Variants in KCNIP4 observed in about 807,000 individuals in gnomAD.
KCNIP4 encodes the protein potassium voltage-gated channel interacting protein 4, also known as Kv channel-interacting protein 4.
In KCNIP4, 12 loss-of-function variants were observed where a neutral mutation model predicts 34.0. The ratio of observed to expected loss-of-function variants is 0.35; its 90% CI spans 0.23 to 0.57. KCNIP4 has a LOEUF of 0.57. Among genes scored for constraint, KCNIP4 ranks in the 20% least tolerant of loss-of-function variants. The pLI, the probability that KCNIP4 is intolerant of heterozygous loss-of-function variation, is 0.83. For synonymous variants in KCNIP4, 124 were observed against 102.2 expected (o/e 1.21, Z -1.29); for missense variants, 238 against 311.7 (o/e 0.76, Z 1.78).
intron 1 of KCNIP4, among the ~76,000 whole-genome samples, chr4:21,596,552 C>G (rs10938846): frequency 6.6e-6 from 1 of 152,048 alleles, no homozygotes; most frequent in Non-Finnish European, 1.5e-5. Flanking sequence ...ACCCCCCTCC[C>G]TATCTCCATC....
chr4:20,898,267 C>T (rs1726776323), intron 1 of KCNIP4, among the ~76,000 whole-genome samples: 1 of 152,138 alleles, frequency 6.6e-6, no homozygotes, highest in Admixed American at 6.6e-5. Context: ...TCTTCGTAAT[C>T]ATGTGAGCCA....
intron 2 of KCNIP4, among the ~76,000 whole-genome samples, chr4:20,850,998 T>C (rs1214917135): frequency 6.7e-6 from 1 of 150,108 alleles, no homozygotes; most frequent in Non-Finnish European, 1.5e-5. Context: ...TAAGTAGCAA[T>C]ATATATTACT....
At chr4:20,819,296 T>C (rs955696896) in intron 3 of KCNIP4, among the ~76,000 whole-genome samples, 1 of 152,214 alleles carries the variant, frequency 6.6e-6, no homozygotes, top group Non-Finnish European at 1.5e-5. Context: ...ATTATGCTGA[T>C]CTACTCATTT....
At chr4:21,066,963 AG>A (rs1358937193) in intron 1 of KCNIP4, among the ~76,000 whole-genome samples, 1 of 152,152 alleles carries the variant, frequency 6.6e-6, no homozygotes, top group East Asian at 1.9e-4. Flanking sequence ...AACCCTAGGC[AG>A]TATAGTTCAC....
chr4:21,498,289 T>A (rs1282987600), intron 1 of KCNIP4, among the ~76,000 whole-genome samples: 1 of 152,184 alleles, frequency 6.6e-6, no homozygotes, highest in African/African-American at 2.4e-5. Context: ...TTTAGAACTA[T>A]GACATTCTTC....
chr4:20,777,304 G>A (rs1318182391), intron 3 of KCNIP4, among the ~76,000 whole-genome samples: 1 of 152,130 alleles, frequency 6.6e-6, no homozygotes, highest in Non-Finnish European at 1.5e-5. Flanking sequence ...AGAATAGCAT[G>A]GGGGCAACTG....
At chr4:21,524,625 T>C (rs1299296948) in intron 1 of KCNIP4, among the ~76,000 whole-genome samples, 1 of 152,158 alleles carries the variant, frequency 6.6e-6, no homozygotes, top group Admixed American at 6.6e-5. Flanking sequence ...TCATTTTAAA[T>C]ATAAATTCTT....
chr4:21,820,283 G>GTATATATATATATATA (rs1288802050), intron 1 of KCNIP4, among the ~76,000 whole-genome samples: 6 of 127,494 alleles, frequency 4.7e-5, no homozygotes, highest in African/African-American at 1.0e-4. Context: ...ATGTGTGTGT[G>GTATATATATATATATA]TGTATATATA....
intron 1 of KCNIP4, among the ~76,000 whole-genome samples, chr4:21,389,720 G>T (rs2109508851): frequency 6.6e-6 from 1 of 151,996 alleles, no homozygotes; most frequent in African/African-American, 2.4e-5. Flanking sequence ...ATTTGCGTTG[G>T]TTCCAAGTCT....
chr4:21,636,221 A>G (rs1316826313), intron 1 of KCNIP4, among the ~76,000 whole-genome samples: 1 of 151,262 alleles, frequency 6.6e-6, no homozygotes, highest in Non-Finnish European at 1.5e-5. Flanking sequence ...GCGCACCAGC[A>G]TGGGCACATG....
At chr4:21,275,212 T>C (rs180720012) in intron 1 of KCNIP4, among the ~76,000 whole-genome samples, 54 of 152,322 alleles carry the variant, frequency 3.5e-4, no homozygotes, top group African/African-American at 1.3e-3. Flanking sequence ...AAATAATTTC[T>C]GAAAGACCCT....
chr4:21,609,795 A>G (rs749922586), intron 1 of KCNIP4, among the ~76,000 whole-genome samples: 1 of 152,208 alleles, frequency 6.6e-6, no homozygotes, highest in Non-Finnish European at 1.5e-5. Context: ...CGAGCACCCT[A>G]CTATGTGCTA....
At chr4:21,270,662 T>C (rs552138125) in intron 1 of KCNIP4, among the ~76,000 whole-genome samples, 1 of 152,258 alleles carries the variant, frequency 6.6e-6, no homozygotes, top group Non-Finnish European at 1.5e-5. Context: ...TTAATTTTTT[T>C]CCAGCACTTG....
chr4:21,219,189 A>G (rs1221047954), intron 1 of KCNIP4, among the ~76,000 whole-genome samples: 2 of 152,092 alleles, frequency 1.3e-5, no homozygotes, highest in Admixed American at 1.3e-4. Context: ...TGATGGGTCC[A>G]TGTATGGAAG....
At chr4:21,422,122 G>C (rs1725506583) in intron 1 of KCNIP4, among the ~76,000 whole-genome samples, 1 of 151,756 alleles carries the variant, frequency 6.6e-6, no homozygotes, top group South Asian at 2.1e-4. Flanking sequence ...CTCACAGCCT[G>C]CACACAATCA....
At chr4:21,117,301 G>GGGGC in intron 1 of KCNIP4, among the ~76,000 whole-genome samples, 1 of 19,674 alleles carries the variant, frequency 5.1e-5, no homozygotes. Context: ...CGGGGTTGCC[G>GGGGC]GGGGGGGGGG....
At chr4:20,829,741 T>C (rs537785832) in intron 3 of KCNIP4, among the ~76,000 whole-genome samples, 1 of 152,296 alleles carries the variant, frequency 6.6e-6, no homozygotes, top group South Asian at 2.1e-4. Context: ...TAATAGCCTC[T>C]ACTCTCATTC....
chr4:20,831,128 A>G (rs1263972969), intron 3 of KCNIP4, among the ~76,000 whole-genome samples: 2 of 152,182 alleles, frequency 1.3e-5, no homozygotes, highest in African/African-American at 2.4e-5. Context: ...TAAGCATGAA[A>G]CATTTTTGTG....
intron 1 of KCNIP4, among the ~76,000 whole-genome samples, chr4:20,963,467 ACT>A (rs1734051481): frequency 6.6e-6 from 1 of 152,126 alleles, no homozygotes. Flanking sequence ...GAGTCATGTA[ACT>A]CTGCTATATG....
Sources: allele counts gnomAD v4.1 joint callset (sites outside exome capture counted in the v4.1 genomes callset), GRCh38; gene constraint gnomAD v4.1.1; transcripts MANE v1.5; gene names NCBI Gene and HGNC (gene_info 2026-07-23, HGNC 2026-07-21).